THOC5: variants seen among roughly 807,000 people sequenced by gnomAD.
THOC5 encodes THO complex subunit 5, also known as Fms-interacting protein.
Under a neutral mutation model 92.9 loss-of-function variants are expected in THOC5, and 43 were observed. The ratio of observed to expected loss-of-function variants is 0.46; its 90% CI spans 0.36 to 0.60. The LOEUF is 0.60. Among genes scored for constraint, THOC5 ranks in the 20% least tolerant of loss-of-function variants. THOC5 has a pLI of 0.00. For missense variants in THOC5, 659 were observed against 849.4 expected, an observed-to-expected ratio of 0.78 and a Z score of 2.79; for synonymous variants, 296 against 320.1, an observed-to-expected ratio of 0.92 and a Z score of 0.80.
chr22:29,511,044 T>G (rs1356468071), intron 19 of THOC5, 62 bp downstream of exon 19: 1 of 1,540,610 alleles, frequency 6.5e-7, no homozygotes, highest in African/African-American at 1.4e-5. Context: ...CCAGAAAATC[T>G]GGCTCTGATC....
intron 12 of THOC5, among the ~76,000 whole-genome samples, chr22:29,523,938 C>T (rs940035635): frequency 4.5e-4 from 68 of 152,210 alleles, no homozygotes; most frequent in African/African-American, 1.5e-3. Flanking sequence ...TGGCCAAAGG[C>T]AGCCTGTATT....
At chr22:29,526,388 C>G (rs1022702898) in intron 11 of THOC5, among the ~76,000 whole-genome samples, 2 of 151,824 alleles carry the variant, frequency 1.3e-5, no homozygotes, top group African/African-American at 4.8e-5. Context: ...AAAAATCAGT[C>G]GGGCGTGGTG....
Position 29,506,581 on chromosome 22 carries a change from G to A in THOC5, c.*1876C>T, listed in dbSNP as rs1291701773. The A allele has an allele frequency of 6.6e-6, 1 of 152,354 alleles. No individual in the cohort carries two copies. The highest frequency in any genetic ancestry group is 1.5e-5 in the Non-Finnish European group (1 of 68,162). The allele number at this position is 152,354 out of a possible 1,614,324, so 9.4% of individuals were successfully genotyped here. On this transcript the variant is annotated 3_prime_UTR_variant, in exon 20 of 20. Coordinates refer to ENST00000490103, the MANE Select transcript of THOC5 (RefSeq NM_003678.5). ...CCAGCTACTTGGGAGGCTGAGGCAGGAGGATCACTTGAACCCAGGAGAGGT... is the reference window on the plus strand; with the variant it reads ...CCAGCTACTTGGGAGGCTGAGGCAGAAGGATCACTTGAACCCAGGAGAGGT...
chr22:29,524,819 G>T (rs1210977195), intron 12 of THOC5, among the ~76,000 whole-genome samples: 1 of 152,208 alleles, frequency 6.6e-6, no homozygotes, highest in African/African-American at 2.4e-5. Flanking sequence ...GGTGGAAAGA[G>T]CCCTGCTCTA....
intron 6 of THOC5, among the ~76,000 whole-genome samples, chr22:29,537,130 G>A (rs2063775122): frequency 6.6e-6 from 1 of 152,244 alleles, no homozygotes. Context: ...TGCTTGAGAG[G>A]TAAGACCTAA....
At chr22:29,513,351 C>T (rs113591718) in intron 17 of THOC5, among the ~76,000 whole-genome samples, 2,035 of 138,892 alleles carry the variant, frequency 0.015, 56 homozygotes, top group African/African-American at 0.052. Flanking sequence ...AGCAAGACTC[C>T]GTCTCAAAAA....
intron 2 of THOC5, among the ~76,000 whole-genome samples, chr22:29,548,792 C>A (rs2064081058): frequency 1.3e-5 from 2 of 152,128 alleles, no homozygotes; most frequent in Non-Finnish European, 2.9e-5. Context: ...ACTGGAGACA[C>A]ATATCATACT....
intron 17 of THOC5, among the ~76,000 whole-genome samples, chr22:29,515,700 G>A (rs988357673): frequency 6.6e-6 from 1 of 151,404 alleles, no homozygotes; most frequent in Non-Finnish European, 1.5e-5. Flanking sequence ...GCATGGTGGT[G>A]CACATTTGTA....
At chr22:29,539,505 C>T in intron 5 of THOC5, 29 bp from the exon 6 acceptor site, 1 of 1,603,602 alleles carries the variant, frequency 6.2e-7, no homozygotes, top group Non-Finnish European at 8.5e-7. Flanking sequence ...CATCAAGCTG[C>T]TGTTCTCAGG....
chr22:29,540,547 G>A (rs1002324274), intron 5 of THOC5, among the ~76,000 whole-genome samples: 6 of 152,118 alleles, frequency 3.9e-5, no homozygotes, highest in African/African-American at 1.2e-4. Flanking sequence ...TAACTTCAAG[G>A]CCTATGCTCC....
chr22:29,548,465 G>A (rs1017810100), intron 2 of THOC5, among the ~76,000 whole-genome samples: 3 of 152,108 alleles, frequency 2.0e-5, no homozygotes, highest in East Asian at 1.9e-4. Context: ...TGAGGTGGGA[G>A]GATCGCTTGA....
Position 29,549,040 on chromosome 22 carries a change from G to A in THOC5, c.96+12C>T, listed in dbSNP as rs1279027289. The A allele has an allele frequency of 6.2e-7, 1 of 1,613,342 alleles. No homozygotes were observed. Among genetic ancestry groups the A allele is most frequent in the Admixed American group, 1.7e-5 (1 of 59,970 alleles). ...AATTTCTCAGCAGCATGGCAACCCT[G>A]ACTGATCTCACCTGCTCGGTGTCAG... On this transcript the variant is annotated intron_variant, in intron 2 of 19. Coordinates refer to ENST00000490103, the MANE Select transcript of THOC5 (RefSeq NM_003678.5).
At chr22:29,514,151 A>ATC (rs1471710858) in intron 17 of THOC5, 1 of 152,018 alleles carries the variant, frequency 6.6e-6, no homozygotes, top group Non-Finnish European at 1.5e-5. Context: ...GGTTTTCACC[A>ATC]TCTTGGCCAG....
intron 1 of THOC5, among the ~76,000 whole-genome samples, chr22:29,550,236 T>A (rs1290473397): frequency 6.6e-6 from 1 of 152,110 alleles, no homozygotes; most frequent in Non-Finnish European, 1.5e-5. Flanking sequence ...CAAGGGGAAT[T>A]ACTTGCAAGT....
At position 29,543,728 on chromosome 22, in the gene THOC5, C is replaced by CA. The variant is rs201555593; in HGVS notation, c.241-187dup. On this transcript the variant is annotated intron_variant, in intron 3 of 19. Coordinates refer to ENST00000490103, the MANE Select transcript of THOC5 (RefSeq NM_003678.5). The stretch of plus-strand genomic sequence containing the variant: ...AAGGAAAATGATTAAGAATCTCGGG[C>CA]AAAAAAAAGTAATTTCTGCTTGGAC... 8.0e-3 allele frequency among the ~76,000 whole-genome samples: 1,212 copies of CA among 151,334 alleles called. 17 individuals are homozygous for CA. Among genetic ancestry groups the CA allele is most frequent in the Non-Finnish European group, 0.01 (687 of 67,834 alleles).
chr22:29,540,279 T>C (rs542212376), intron 5 of THOC5, among the ~76,000 whole-genome samples: 17 of 152,256 alleles, frequency 1.1e-4, no homozygotes, highest in Non-Finnish European at 2.2e-4. Context: ...CTCAAAAAAA[T>C]CCAACCCTCT....
chr22:29,532,574 A>G (rs2063677221), intron 7 of THOC5, among the ~76,000 whole-genome samples: 1 of 152,176 alleles, frequency 6.6e-6, no homozygotes, highest in South Asian at 2.1e-4. Flanking sequence ...CTGAGGCAGG[A>G]GCATCACTTG....
intron 17 of THOC5, among the ~76,000 whole-genome samples, chr22:29,513,599 G>T (rs1267893999): frequency 6.6e-6 from 1 of 151,888 alleles, no homozygotes; most frequent in African/African-American, 2.4e-5. Context: ...AAGACGGGAG[G>T]GTCACTTGAA....
chr22:29,532,101 C>T lies in THOC5; in HGVS notation c.715-138G>A, dbSNP rs142845710. On this transcript the variant is annotated intron_variant, in intron 7 of 19. Transcript: ENST00000490103. Reference sequence around the variant, plus strand: ...AATAGAACTAATAGGTGGATAAAAGCTCAACGTAAACAAAATTATATTTCT... The same window carrying T: ...AATAGAACTAATAGGTGGATAAAAGTTCAACGTAAACAAAATTATATTTCT... The T allele has an allele frequency of 3.3e-4, 349 of 1,056,890 alleles. 2 individuals carry two copies. The African/African-American group carries it at 4.4e-3, about 13-fold the overall frequency. 65.5% of individuals were successfully genotyped at this position (1,056,890 alleles called of 1,614,324 possible). A position where few individuals can be genotyped will look rare whatever the true frequency, so the allele number is the denominator to read the frequency against.
Sources: gnomAD v4.1 joint callset for allele counts (sites outside exome capture counted in the v4.1 genomes callset) on GRCh38, gnomAD v4.1.1 for gene constraint, MANE v1.5 for transcripts, NCBI Gene and HGNC (gene_info 2026-07-23, HGNC 2026-07-21) for gene names.